The following PACS2 variants were observed in gnomAD, a reference collection of about 807,000 sequenced individuals.
PACS2 encodes the protein PACS1-like protein.
Under a neutral mutation model 113.0 loss-of-function variants are expected in PACS2, and 36 were observed. The observed-to-expected ratio is 0.32, with a 90% confidence interval of 0.24 to 0.42. PACS2 has a LOEUF of 0.42. Ranked by LOEUF, PACS2 falls within the 10% of genes least tolerant of loss-of-function variation. The pLI, the probability that PACS2 is intolerant of heterozygous loss-of-function variation, is 1.00. For synonymous variants in PACS2, 589 were observed against 536.1 expected (o/e 1.10, Z -1.36); for missense variants, 1,015 against 1,239.5 (o/e 0.82, Z 2.72).
rs184926285 is a variant in PACS2 at position 105,317,051 on chromosome 14, C to T, written c.119+2014C>T. ...TTGCTTTGTGCTTGTGCCGCCTGTC[C>T]GTGCATCCTCGGACAGTCTGCTACT... On this transcript the variant is annotated intron_variant, in intron 1 of 24. Coordinates refer to ENST00000447393, the MANE Select transcript of PACS2 (RefSeq NM_001100913.3). The surrounding 1 kb of genome is among the most constrained non-coding windows in gnomAD (Gnocchi z 4.2). 2.7e-3 allele frequency among the ~76,000 whole-genome samples: 414 copies of T among 152,330 alleles called. 1 individual carries two copies. The highest frequency in any genetic ancestry group is 4.2e-3 in the Non-Finnish European group (287 of 68,026).
At chr14:105,339,062 A>G (rs1292508905) in intron 1 of PACS2, among the ~76,000 whole-genome samples, 5 of 152,210 alleles carry the variant, frequency 3.3e-5, no homozygotes, top group African/African-American at 1.2e-4. Context: ...GGTGCTCTTC[A>G]GCCCCTGCTT....
intron 9 of PACS2, among the ~76,000 whole-genome samples, chr14:105,378,725 C>A (rs1364146931): frequency 2.6e-5 from 4 of 152,238 alleles, no homozygotes; most frequent in Non-Finnish European, 5.9e-5. Context: ...ATTTTTTTCA[C>A]TTGAAAGGTC....
chr14:105,327,486 C>T (rs1028641360), intron 1 of PACS2, among the ~76,000 whole-genome samples: 9 of 152,138 alleles, frequency 5.9e-5, no homozygotes, highest in Non-Finnish European at 5.9e-5. Flanking sequence ...GTTCTCCTGC[C>T]GTGGTCCTGT....
Position 105,348,664 on chromosome 14 carries a change from C to T in PACS2, c.207+84C>T. 1 of 1,016,218 alleles carries T rather than the reference C, an allele frequency of 9.8e-7. No homozygotes were observed. The highest frequency in any genetic ancestry group is 1.5e-6 in the Non-Finnish European group (1 of 652,404). The allele number at this position is 1,016,218 out of a possible 1,614,324, so 63.0% of individuals were successfully genotyped here. ...GGGAGACGAGTCAGGCGGTGCGCTA[C>T]TGTGGGGCCTTGTGCCAAAACAGCG... On this transcript the variant is annotated intron_variant, in intron 2 of 24. Transcript: ENST00000447393. The surrounding 1 kb of genome is among the most constrained non-coding windows in gnomAD (Gnocchi z 6.4).
chr14:105,309,689 G>A (rs750603040), upstream of PACS2, among the ~76,000 whole-genome samples: 1 of 152,072 alleles, frequency 6.6e-6, no homozygotes, highest in Non-Finnish European at 1.5e-5. This position sits in a 1 kb window ranked among gnomAD's most constrained non-coding sequence, Gnocchi z 4.0. Flanking sequence ...GGGGAGCAGC[G>A]TGCAGGACAC....
Position 105,368,164 on chromosome 14 carries a change from GC to G in PACS2, c.660+18del. On this transcript the variant is annotated intron_variant, in intron 6 of 24. Coordinates refer to ENST00000447393, the MANE Select transcript of PACS2 (RefSeq NM_001100913.3). The stretch of plus-strand genomic sequence containing the variant: ...CAGGGGCAGGTGACCTGGGGCCGGG[GC>G]TCCGCGCCCTCTCCTGGCTCACACC... 2 of 1,573,398 alleles carry G rather than the reference GC, an allele frequency of 1.3e-6. No individual in the cohort carries two copies.
chr14:105,393,480 G>T, intron 24 of PACS2, 145 bp downstream of exon 24: 1 of 526,820 alleles, frequency 1.9e-6, no homozygotes. Context: ...ATTCGATGAA[G>T]CCCTCAGTGA....
intron 20 of PACS2, chr14:105,390,642 T>G (rs587715892): frequency 1.7e-4 from 28 of 169,182 alleles, no homozygotes; most frequent in African/African-American, 5.2e-4. Context: ...AACAGAGGCC[T>G]TTTTGTGCAC....
chr14:105,322,486 G>A (rs1450187023), intron 1 of PACS2, among the ~76,000 whole-genome samples: 1 of 151,162 alleles, frequency 6.6e-6, no homozygotes, highest in Admixed American at 6.6e-5. Context: ...GACTGGTCTC[G>A]AACTCCTGAC....
intron 1 of PACS2, among the ~76,000 whole-genome samples, chr14:105,301,858 C>G (rs1026959563): frequency 6.6e-6 from 1 of 152,222 alleles, no homozygotes; most frequent in Non-Finnish European, 1.5e-5. Flanking sequence ...AATGCGTAAC[C>G]AGGCGTAGTG....
intron 19 of PACS2, among the ~76,000 whole-genome samples, chr14:105,387,731 CA>C (rs1555413929): frequency 6.6e-6 from 1 of 152,212 alleles, no homozygotes; most frequent in East Asian, 1.9e-4. Context: ...CGCACTGCCC[CA>C]TGGGCCTCGG....
At chr14:105,375,524 T>C (rs925494093) in intron 8 of PACS2, among the ~76,000 whole-genome samples, 6 of 150,260 alleles carry the variant, frequency 4.0e-5, no homozygotes, top group African/African-American at 7.4e-5. Flanking sequence ...TCTAAATAGA[T>C]TTCTTCAAAG....
Position 105,330,659 on chromosome 14 carries a change from T to C in PACS2, c.119+15622T>C, listed in dbSNP as rs1254823458. ...GTCTCCACGGAGCACCGTGGGACTC[T>C]GGCATCAGAATCCTGGGGCCCCACC... On this transcript the variant is annotated intron_variant, in intron 1 of 24. Transcript: ENST00000447393. This position sits in a 1 kb window ranked among gnomAD's most constrained non-coding sequence, Gnocchi z 6.9. 1.3e-5 allele frequency among the ~76,000 whole-genome samples: 2 copies of C among 152,212 alleles called. No homozygotes were observed. The highest frequency in any genetic ancestry group is 4.8e-5 in the African/African-American group (2 of 41,472).
At chr14:105,363,020 TTTTCCCAAGCAATAGGTCTCATAGTGG>T (rs1283855742) in intron 4 of PACS2, among the ~76,000 whole-genome samples, 2 of 152,202 alleles carry the variant, frequency 1.3e-5, no homozygotes, top group African/African-American at 4.8e-5. Flanking sequence ...GGAACCTTTT[TTTTCCCAAGCAATAGGTCTCATAGTGG>T]GCTTAAAACA....
At chr14:105,362,766 G>A (rs1004106152) in intron 4 of PACS2, among the ~76,000 whole-genome samples, 12 of 152,026 alleles carry the variant, frequency 7.9e-5, no homozygotes, top group Non-Finnish European at 1.2e-4. Context: ...CAGGAGAATC[G>A]CTTGAACCTG....
intron 7 of PACS2, among the ~76,000 whole-genome samples, chr14:105,369,246 C>T (rs1482119756): frequency 1.3e-5 from 2 of 152,256 alleles, no homozygotes; most frequent in African/African-American, 4.8e-5. Flanking sequence ...TCTTGCTGGC[C>T]TGGAGAGCAG....
rs1026065388 is a variant in PACS2, at chr14:105,309,116, T to C, written c.-83+8137T>C. Among the ~76,000 whole-genome samples the C allele has an allele frequency of 6.6e-6, 1 of 152,254 alleles. No homozygotes were observed. Among genetic ancestry groups the C allele is most frequent in the Non-Finnish European group, 1.5e-5 (1 of 68,042 alleles). On this transcript the variant is annotated intron_variant, in intron 1 of 23. Coordinates refer to the PACS2 transcript ENST00000430725. This position sits in a 1 kb window ranked among gnomAD's most constrained non-coding sequence, Gnocchi z 4.0. ...TCTGATGTCTGTGAATGTCCTTGGC[T>C]GATTTCTGTATTAGGGCCTGGGTGT...
rs1595678109 is a variant in PACS2, at chr14:105,355,317, C to T, written c.423+140C>T. The T allele has an allele frequency of 2.8e-6, 3 of 1,057,604 alleles. No homozygotes were observed. The highest frequency in any genetic ancestry group is 3.0e-5 in the Admixed American group (1 of 33,764). 65.5% of individuals were successfully genotyped at this position (1,057,604 alleles called of 1,614,324 possible). ...AAATGATGAGAGGAGCCTGGGCGGCCGGGCTCCGCCATAAGGGCCAGGTGC... is the reference window on the plus strand; with the variant it reads ...AAATGATGAGAGGAGCCTGGGCGGCTGGGCTCCGCCATAAGGGCCAGGTGC... On this transcript the variant is annotated intron_variant, in intron 4 of 24. Transcript: ENST00000447393. This position sits in a 1 kb window ranked among gnomAD's most constrained non-coding sequence, Gnocchi z 4.1.
rs1432618749 is a variant in PACS2 at position 105,396,637 on chromosome 14, A to T, written c.*1965A>T. ...TGCCTCAGCCTCCCGAGTAGCTGGG[A>T]TTACAGGCGTGTGCCACCACACCTG... is the stretch of plus-strand genomic sequence containing the variant. On this transcript the variant is annotated 3_prime_UTR_variant, in exon 25 of 25. Transcript: ENST00000447393. 4.0e-5 allele frequency: 6 copies of T among 150,392 alleles called. No individual in the cohort carries two copies. The highest frequency in any genetic ancestry group is 1.2e-4 in the African/African-American group (5 of 40,642). The allele number at this position is 150,392 out of a possible 1,614,324, so 9.3% of individuals were successfully genotyped here.
Sources: allele counts gnomAD v4.1 joint callset (sites outside exome capture counted in the v4.1 genomes callset), GRCh38; gene constraint gnomAD v4.1.1; non-coding constraint Gnocchi (gnomAD v3.1); transcripts MANE v1.5; gene names NCBI Gene and HGNC (gene_info 2026-07-23, HGNC 2026-07-21).